Variants in PNPLA1 observed in about 807,000 individuals in gnomAD.
PNPLA1 encodes omega-hydroxyceramide transacylase.
In PNPLA1, 36 loss-of-function variants were observed where a neutral mutation model predicts 51.7. The observed-to-expected ratio is 0.70, with a 90% CI of 0.53 to 0.92. The LOEUF is 0.92. Among genes scored for constraint, PNPLA1 ranks in the 40% least tolerant of loss-of-function variants. The pLI is 0.00. For synonymous variants in PNPLA1, 293 were observed against 280.1 expected, an observed-to-expected ratio of 1.05 and a Z score of -0.46; for missense variants, 658 against 682.5, an observed-to-expected ratio of 0.96 and a Z score of 0.40.
chr6:36,303,220 G>C (rs1278001260), intron 6 of PNPLA1, among the ~76,000 whole-genome samples: 1 of 151,812 alleles, frequency 6.6e-6, no homozygotes, highest in Non-Finnish European at 1.5e-5. Flanking sequence ...TCAGCCTCCC[G>C]AGTAGCTGGG....
chr6:36,275,303 A>C (rs1770056462), intron 1 of PNPLA1, among the ~76,000 whole-genome samples: 1 of 151,740 alleles, frequency 6.6e-6, no homozygotes, highest in Non-Finnish European at 1.5e-5. Flanking sequence ...CTGGTCTTGA[A>C]CTCCTGGGTT....
intron 1 of PNPLA1, among the ~76,000 whole-genome samples, chr6:36,282,534 C>T (rs1244423027): frequency 6.6e-6 from 1 of 152,180 alleles, no homozygotes; most frequent in African/African-American, 2.4e-5. Context: ...GTTGGTTACA[C>T]AGTAGAAACA....
chr6:36,283,138 A>G (rs1770374024), intron 1 of PNPLA1, among the ~76,000 whole-genome samples: 1 of 152,188 alleles, frequency 6.6e-6, no homozygotes, highest in Admixed American at 6.5e-5. Flanking sequence ...CCATTTGCCA[A>G]CACTAAGACA....
chr6:36,291,956 T>C (rs1236558072), intron 2 of PNPLA1, among the ~76,000 whole-genome samples: 1 of 152,174 alleles, frequency 6.6e-6, no homozygotes, highest in East Asian at 1.9e-4. Flanking sequence ...CCATGTCCCC[T>C]TTCTGCCCCC....
chr6:36,282,077 G>GAAAGAAAGAAAGAAAGAAAGA (rs1561859246), intron 1 of PNPLA1, among the ~76,000 whole-genome samples: 4 of 127,610 alleles, frequency 3.1e-5, no homozygotes, highest in African/African-American at 1.2e-4. Flanking sequence ...AAGAAAGAAA[G>GAAAGAAAGAAAGAAAGAAAGA]AAAGAAAGAA....
At chr6:36,307,782 C>A in intron 8 of PNPLA1, 70 bp downstream of exon 8, 6 of 1,583,598 alleles carry the variant, frequency 3.8e-6, no homozygotes, top group Admixed American at 1.7e-5. Context: ...CAGAGAGATT[C>A]CGAGGAATAG....
At chr6:36,285,223 C>G (rs1218675546) in intron 1 of PNPLA1, among the ~76,000 whole-genome samples, 1 of 152,242 alleles carries the variant, frequency 6.6e-6, no homozygotes, top group Non-Finnish European at 1.5e-5. Flanking sequence ...TCTGAGCATT[C>G]GTCGGCGCCT....
chr6:36,265,734 G>C (rs1206765529), upstream of PNPLA1, among the ~76,000 whole-genome samples: 2 of 152,182 alleles, frequency 1.3e-5, no homozygotes. Flanking sequence ...ACACACAAAT[G>C]GTGTGGGGGT....
rs183117092 is a variant in PNPLA1, at chr6:36,261,595, C to A, written c.-81+18334C>A. On this transcript the variant is annotated intron_variant, in intron 1 of 7. Transcript: ENST00000312917. The stretch of plus-strand genomic sequence containing the variant: ...CGTGGTTCCAATCTTCGTGCACTGA[C>A]CATATCACAGTCTTAGGGCCCAGCT... 6.2e-4 allele frequency among the ~76,000 whole-genome samples: 95 copies of A among 152,352 alleles called. 1 individual carries two copies. The highest frequency in any genetic ancestry group is 3.4e-4 in the Non-Finnish European group (23 of 68,028).
chr6:36,246,219 T>C (rs1769278157), intron 1 of PNPLA1, among the ~76,000 whole-genome samples: 1 of 152,044 alleles, frequency 6.6e-6, no homozygotes, highest in South Asian at 2.1e-4. Flanking sequence ...TTGGATTTTT[T>C]TTTTTGACGA....
At chr6:36,284,572 CAT>C (rs1770421142) in intron 1 of PNPLA1, among the ~76,000 whole-genome samples, 2 of 151,744 alleles carry the variant, frequency 1.3e-5, no homozygotes, top group Non-Finnish European at 2.9e-5. Context: ...TCCATCCATC[CAT>C]CCATCCATCC....
In PNPLA1 at chr6:36,303,872, C is replaced by T. The variant is rs1771151135; in HGVS notation, c.1384+1403C>T. ...ATCAGAAGTATTAAGTACTATATAA[C>T]TAATAAAAACACAGTGTTGGAGGGT... On this transcript the variant is annotated intron_variant, in intron 6 of 8. Transcript: ENST00000636260. 3.3e-5 allele frequency among the ~76,000 whole-genome samples: 5 copies of T among 152,024 alleles called. No homozygotes were observed. In the South Asian group the frequency reaches 1.0e-3, roughly 32 times the overall value.
At chr6:36,281,294 A>G (rs1030390180) in intron 1 of PNPLA1, among the ~76,000 whole-genome samples, 13 of 152,192 alleles carry the variant, frequency 8.5e-5, no homozygotes, top group African/African-American at 3.1e-4. Flanking sequence ...TGCTGGGTAC[A>G]CTTTCAGAAT....
At chr6:36,295,541 C>T in intron 5 of PNPLA1, 117 bp downstream of exon 5, 2 of 1,116,974 alleles carry the variant, frequency 1.8e-6, no homozygotes, top group South Asian at 2.6e-5. Flanking sequence ...AGACGCCCTT[C>T]ACCTGGGAGA....
chr6:36,300,178 T>TGTGTGAGAGAGAGA, intron 5 of PNPLA1, among the ~76,000 whole-genome samples: 3 of 98,138 alleles, frequency 3.1e-5, no homozygotes, highest in South Asian at 3.1e-4. Context: ...TGTGTGTGTG[T>TGTGTGAGAGAGAGA]GAGAGAGAGA....
At chr6:36,295,259 C>A in intron 4 of PNPLA1, 105 bp from the exon 5 acceptor site, 1 of 1,171,508 alleles carries the variant, frequency 8.5e-7, no homozygotes, top group Non-Finnish European at 1.3e-6. Context: ...AAAAGCCCAT[C>A]AAATAAAATT....
Position 36,313,014 on chromosome 6 carries a change from T to G in PNPLA1, c.*1128T>G, listed in dbSNP as rs1041541840. On this transcript the variant is annotated 3_prime_UTR_variant, in exon 9 of 9. Coordinates refer to ENST00000636260, the MANE Select transcript of PNPLA1 (RefSeq NM_001374623.1). ...GTTGTTTGGTTTTTAATTCTTACAGTGTACTAACGGCTTGGCCTGAGCTGG... is the reference window on the plus strand; with the variant it reads ...GTTGTTTGGTTTTTAATTCTTACAGGGTACTAACGGCTTGGCCTGAGCTGG... Among the ~76,000 whole-genome samples, 3 of 152,150 alleles carry G rather than the reference T, an allele frequency of 2.0e-5. No individual in the cohort carries two copies. The highest frequency in any genetic ancestry group is 4.4e-5 in the Non-Finnish European group (3 of 68,024).
rs71548136 is a variant in PNPLA1 at position 36,300,178 on chromosome 6, TGAGAGAGAGAGA to T, written c.776-1656_776-1645del. 4.1e-4 allele frequency among the ~76,000 whole-genome samples: 40 copies of T among 98,088 alleles called. 1 individual carries two copies. The highest frequency in any genetic ancestry group is 3.1e-4 in the South Asian group (1 of 3,212). The allele number at this position is 98,088 out of a possible 152,430, so 64.3% of individuals were successfully genotyped here. On this transcript the variant is annotated intron_variant, in intron 5 of 8. Coordinates refer to ENST00000636260, the MANE Select transcript of PNPLA1 (RefSeq NM_001374623.1). Reference sequence around the variant, plus strand: ...TCTTATTCTTGTGTGTGTGTGTGTGTGAGAGAGAGAGAGAGAGAGAGAGAGAGAGAGAGAGAG... The same window carrying T: ...TCTTATTCTTGTGTGTGTGTGTGTGTGAGAGAGAGAGAGAGAGAGAGAGAG...
chr6:36,300,569 A>G (rs1043011007), intron 5 of PNPLA1, among the ~76,000 whole-genome samples: 1 of 152,046 alleles, frequency 6.6e-6, no homozygotes, highest in African/African-American at 2.4e-5. Context: ...GTTTTTCTCA[A>G]GATTAAGCTG....
Sources: allele counts gnomAD v4.1 joint callset (sites outside exome capture counted in the v4.1 genomes callset), GRCh38; gene constraint gnomAD v4.1.1; transcripts MANE v1.5; gene names NCBI Gene and HGNC (gene_info 2026-07-23, HGNC 2026-07-21).